ARHGEF9: variants seen among roughly 807,000 people sequenced by gnomAD.
ARHGEF9 encodes the protein Cdc42 guanine nucleotide exchange factor 9, also known as rho guanine nucleotide exchange factor 9.
In ARHGEF9, 2 loss-of-function variants were observed where a neutral mutation model predicts 41.3. The ratio of observed to expected loss-of-function variants is 0.05; its 90% CI spans 0.02 to 0.15. The LOEUF is 0.15. Ranked by LOEUF, ARHGEF9 falls within the 10% of genes least tolerant of loss-of-function variation. The probability of loss-of-function intolerance (pLI) is 1.00; values close to 1 mark genes in which losing one functional copy is unlikely to be tolerated. For missense variants in ARHGEF9, 225 were observed against 424.7 expected, an observed-to-expected ratio of 0.53 and a Z score of 4.13; for synonymous variants, 160 against 154.4, an observed-to-expected ratio of 1.04 and a Z score of -0.27.
At chrX:63,706,832 G>A (rs1236942132) in intron 2 of ARHGEF9, among the ~76,000 whole-genome samples, 1 of 112,329 alleles carries the variant, frequency 8.9e-6, no homozygotes, top group African/African-American at 3.2e-5. Flanking sequence ...TAGAGTGGGT[G>A]TCTTGAAAAC....
intron 5 of ARHGEF9, among the ~76,000 whole-genome samples, chrX:63,676,097 G>A (rs2050246591): frequency 8.9e-6 from 1 of 111,983 alleles, no homozygotes; most frequent in South Asian, 3.7e-4. Flanking sequence ...CAGAGGAAAG[G>A]GACTTCTAAT....
At chrX:63,699,274 A>T (rs1323538187) in intron 3 of ARHGEF9, among the ~76,000 whole-genome samples, 1 of 111,882 alleles carries the variant, frequency 8.9e-6, no homozygotes, top group Non-Finnish European at 1.9e-5. Context: ...GGCACATTCA[A>T]CATATTACTT....
At chrX:63,771,392 A>G (rs1322006190) in intron 1 of ARHGEF9, among the ~76,000 whole-genome samples, 1 of 112,099 alleles carries the variant, frequency 8.9e-6, no homozygotes, top group African/African-American at 3.2e-5. Context: ...TAGGAAAGGC[A>G]TGATGGTCAA....
rs1248830110 is a variant in ARHGEF9 at position 63,636,737 on chromosome X, G to C, written c.*1291C>G. The C allele has an allele frequency of 3.4e-6, 1 of 292,669 alleles. No individual in the cohort carries two copies. The highest frequency in any genetic ancestry group is 5.9e-6 in the Non-Finnish European group (1 of 168,211). 24.1% of individuals were successfully genotyped at this position (292,669 alleles called of 1,213,427 possible). A position where few individuals can be genotyped will look rare whatever the true frequency, so the allele number is the denominator to read the frequency against. On this transcript the variant is annotated 3_prime_UTR_variant, in exon 10 of 10. Coordinates refer to ENST00000671741, the MANE Select transcript of ARHGEF9 (RefSeq NM_001353921.2). ...ACACAATTTTAGGGTGGTAGAAAATGCAGGTACAATACTGTGGATCAAGGC... is the reference window on the plus strand; with the variant it reads ...ACACAATTTTAGGGTGGTAGAAAATCCAGGTACAATACTGTGGATCAAGGC...
intron 1 of ARHGEF9, among the ~76,000 whole-genome samples, chrX:63,780,615 A>G (rs1251032289): frequency 8.9e-6 from 1 of 112,500 alleles, no homozygotes; most frequent in Non-Finnish European, 1.9e-5. Flanking sequence ...TACAAAAAAC[A>G]AACAACAACA....
At chrX:63,751,119 C>T (rs782641690) in intron 1 of ARHGEF9, among the ~76,000 whole-genome samples, 2 of 110,994 alleles carry the variant, frequency 1.8e-5, no homozygotes, top group Admixed American at 9.6e-5. Context: ...GCCCCTCCTA[C>T]ATGGCAAAAG....
chrX:63,746,504 G>A (rs1434970851), intron 1 of ARHGEF9, among the ~76,000 whole-genome samples: 1 of 111,369 alleles, frequency 9.0e-6, no homozygotes, highest in South Asian at 3.8e-4. Context: ...GTATCAAGAC[G>A]CCTAGGTTCT....
intron 1 of ARHGEF9, among the ~76,000 whole-genome samples, chrX:63,768,988 TA>T (rs201506244): frequency 4.6e-4 from 51 of 110,233 alleles, no homozygotes; most frequent in African/African-American, 1.5e-3. Flanking sequence ...GGGGTGCTAC[TA>T]AAAAAAAATC....
chrX:63,737,990 A>T (rs782144884), intron 1 of ARHGEF9, among the ~76,000 whole-genome samples: 1 of 112,159 alleles, frequency 8.9e-6, no homozygotes, highest in South Asian at 3.7e-4. Context: ...ATAATAACTC[A>T]TTTGATCCCT....
chrX:63,713,084 C>T (rs782606137), intron 2 of ARHGEF9: 3 of 111,533 alleles, frequency 2.7e-5, no homozygotes, highest in Admixed American at 1.9e-4. Flanking sequence ...GAAAGCCAGC[C>T]GGCCCCTGTC....
chrX:63,686,650 T>A (rs1166749636), intron 4 of ARHGEF9, among the ~76,000 whole-genome samples: 1 of 111,230 alleles, frequency 9.0e-6, no homozygotes, highest in Non-Finnish European at 1.9e-5. Context: ...AAAGGACTTG[T>A]TAACAAAATA....
intron 9 of ARHGEF9, chrX:63,641,331 G>C (rs1381852789): frequency 3.0e-5 from 3 of 99,935 alleles, no homozygotes; most frequent in Non-Finnish European, 6.0e-5. Context: ...CAGCCTGCAC[G>C]ATGAGAGTGA....
chrX:63,687,986 T>G (rs1203817261), intron 4 of ARHGEF9, among the ~76,000 whole-genome samples: 1 of 111,059 alleles, frequency 9.0e-6, no homozygotes, highest in African/African-American at 3.3e-5. Context: ...TAGAGAAAGA[T>G]ATAAATATCC....
At chrX:63,713,220 G>A (rs1472459831) in intron 2 of ARHGEF9, 1 of 111,272 alleles carries the variant, frequency 9.0e-6, no homozygotes, top group Non-Finnish European at 1.9e-5. Flanking sequence ...CCTTTGAGAA[G>A]GTGAGGGGTT....
chrX:63,713,704 A>ACACC (rs2053100591), intron 2 of ARHGEF9, among the ~76,000 whole-genome samples: 1 of 92,122 alleles, frequency 1.1e-5, no homozygotes, highest in African/African-American at 3.5e-5. Flanking sequence ...CTTCACATAC[A>ACACC]CACACACACA....
At chrX:63,744,013 TAA>T (rs1356358197) in intron 1 of ARHGEF9, among the ~76,000 whole-genome samples, 2 of 111,986 alleles carry the variant, frequency 1.8e-5, no homozygotes, top group Admixed American at 9.4e-5. Context: ...GGGAGAGAAG[TAA>T]AAAGAGTCCT....
chrX:63,721,525 C>T (rs2053631930), intron 2 of ARHGEF9, among the ~76,000 whole-genome samples: 1 of 110,594 alleles, frequency 9.0e-6, no homozygotes, highest in African/African-American at 3.3e-5. Context: ...AATTAGGCAG[C>T]AAGCTCTCCT....
chrX:63,765,944 A>G (rs2056106416), intron 1 of ARHGEF9, among the ~76,000 whole-genome samples: 1 of 112,037 alleles, frequency 8.9e-6, no homozygotes, highest in African/African-American at 3.2e-5. Context: ...TTTTTATCAC[A>G]TATCAACCTC....
intron 8 of ARHGEF9, among the ~76,000 whole-genome samples, chrX:63,647,373 T>C (rs2048181980): frequency 8.9e-6 from 1 of 111,857 alleles, no homozygotes; most frequent in Non-Finnish European, 1.9e-5. Context: ...GGGTTTGTCA[T>C]AGACAGCTCT....
Sources: allele counts gnomAD v4.1 joint callset (sites outside exome capture counted in the v4.1 genomes callset), GRCh38; gene constraint gnomAD v4.1.1; transcripts MANE v1.5; gene names NCBI Gene and HGNC (gene_info 2026-07-23, HGNC 2026-07-21).